The following SERHL2 variants were observed in gnomAD, a reference collection of about 807,000 sequenced individuals.
The protein encoded by SERHL2 is serine hydrolase like 2, also known as serine hydrolase-like protein 2.
A neutral mutation model predicts 25.5 loss-of-function variants in SERHL2; 29 were observed. The observed-to-expected ratio is 1.14, with a 90% CI of 0.85 to 1.55. The LOEUF is 1.55. SERHL2 is among the 40% of genes most tolerant of loss of function. The pLI, the probability that SERHL2 is intolerant of heterozygous loss-of-function variation, is 0.00. For missense variants in SERHL2, 240 were observed against 252.3 expected (o/e 0.95, Z 0.33); for synonymous variants, 95 against 103.5 (o/e 0.92, Z 0.50).
chr22:42,560,856 C>T lies in SERHL2; in HGVS notation c.613+591C>T, dbSNP rs1407165299. Among the ~76,000 whole-genome samples, 3 of 151,970 alleles carry T rather than the reference C, an allele frequency of 2.0e-5. No individual in the cohort carries two copies. In the East Asian group the frequency reaches 5.8e-4, roughly 29 times the overall value. The stretch of plus-strand genomic sequence containing the variant: ...GCTCCAGAGATCGTCCCACCTCAGC[C>T]TCCTGAGTAGCTGGGACTACAGGTG... On this transcript the variant is annotated intron_variant, in intron 8 of 11. Coordinates refer to ENST00000327678, the MANE Select transcript of SERHL2 (RefSeq NM_014509.5).
In SERHL2 at chr22:42,571,180, G is replaced by A; in HGVS notation, c.708G>A (p.Leu236=). Residue 236 remains leucine, a synonymous_variant, in exon 10 of 12, where the codon CTG becomes CTA. Coordinates refer to ENST00000327678, the MANE Select transcript of SERHL2 (RefSeq NM_014509.5). ...TGTGTGCGCATTCCATCAGGAAGCT[G>A]CAGGCCCATGTCCTGTTGATCAAGT... The part of the protein sequence containing the change: ...RELCAHSIRK[L]QAHVLLIKAV... 1 of 1,613,480 alleles carries A rather than the reference G, an allele frequency of 6.2e-7. No individual in the cohort carries two copies. Among genetic ancestry groups the A allele is most frequent in the Non-Finnish European group, 8.5e-7 (1 of 1,179,652 alleles).
Position 42,574,060 on chromosome 22 carries a change from G to A in SERHL2, c.*5G>A, listed in dbSNP as rs769375124. On this transcript the variant is annotated 3_prime_UTR_variant, in exon 12 of 12. Transcript: ENST00000327678. ...ATGCTCCCAGCCCAGCTGTAGCTCT[G>A]GGCCTGGAACTATGAAGACCTAGTG... is the stretch of plus-strand genomic sequence containing the variant. The A allele has an allele frequency of 1.2e-6, 2 of 1,612,332 alleles. No homozygotes were observed. The highest frequency in any genetic ancestry group is 1.7e-6 in the Non-Finnish European group (2 of 1,178,838).
chr22:42,568,514 C>A (rs1228541620), intron 9 of SERHL2, among the ~76,000 whole-genome samples: 2 of 151,934 alleles, frequency 1.3e-5, no homozygotes, highest in Admixed American at 6.6e-5. Context: ...CTTATGTGAC[C>A]TGTTCTGTAG....
chr22:42,571,011 T>G, intron 9 of SERHL2, 110 bp from the exon 10 acceptor site: 1 of 1,532,802 alleles, frequency 6.5e-7, no homozygotes, highest in African/African-American at 1.4e-5. Flanking sequence ...CCAGGGTGGG[T>G]GGCTAAGGTG....
intron 8 of SERHL2, among the ~76,000 whole-genome samples, chr22:42,561,991 T>C (rs1922739481): frequency 6.6e-6 from 1 of 151,650 alleles, no homozygotes; most frequent in African/African-American, 2.4e-5. Flanking sequence ...GAATGCAGGA[T>C]GCTGACCAGG....
In SERHL2 at chr22:42,574,169, A is replaced by G. The variant is rs1647653441; in HGVS notation, c.*114A>G. 2.2e-6 allele frequency: 2 copies of G among 922,088 alleles called. No individual in the cohort carries two copies. Among genetic ancestry groups the G allele is most frequent in the African/African-American group, 3.3e-5 (2 of 60,326 alleles). The allele number at this position is 922,088 out of a possible 1,614,324, so 57.1% of individuals were successfully genotyped here. On this transcript the variant is annotated 3_prime_UTR_variant, in exon 12 of 12. Coordinates refer to ENST00000327678, the MANE Select transcript of SERHL2 (RefSeq NM_014509.5). ...GTGGGGACAGGCCTCACTAGTCTTG[A>G]GGCCCAGCCTAGGATGGTAGTCAGG... is the stretch of plus-strand genomic sequence containing the variant.
chr22:42,559,447 A>G (rs960822479), intron 7 of SERHL2, among the ~76,000 whole-genome samples: 1 of 151,532 alleles, frequency 6.6e-6, no homozygotes, highest in African/African-American at 2.4e-5. Flanking sequence ...CATGCCTGTA[A>G]TCCCAGCACT....
At chr22:42,572,606 C>T in intron 11 of SERHL2, 77 bp downstream of exon 11, 2 of 1,563,916 alleles carry the variant, frequency 1.3e-6, no homozygotes, top group Non-Finnish European at 1.7e-6. Context: ...TCTTCTCATG[C>T]ACTGGGAAGA....
chr22:42,556,839 C>T (rs1347824016), intron 6 of SERHL2, among the ~76,000 whole-genome samples: 2 of 111,670 alleles, frequency 1.8e-5, no homozygotes, highest in Non-Finnish European at 3.5e-5. Context: ...TGCAGAATGC[C>T]AGGCTGATCA....
chr22:42,566,504 C>T (rs1303941244), intron 9 of SERHL2, among the ~76,000 whole-genome samples, 166 bp downstream of exon 9: 6 of 150,290 alleles, frequency 4.0e-5, no homozygotes, highest in Non-Finnish European at 7.4e-5. Context: ...TGCATTGAGC[C>T]GAGATAGCAC....
rs145204711 is a variant in SERHL2 at position 42,572,496 on chromosome 22, C to T, written c.792C>T (p.Phe264=). Residue 264 remains phenylalanine (F), a synonymous_variant, in exon 11 of 12, where the codon TTC becomes TTT. Transcript: ENST00000327678. ...QNYSEKESLS[F]MIDTMKSTLK... ...ACTCTGAGAAGGAGTCCCTGTCGTT[C>T]ATGATAGACACGATGAAATCCACCC... is the stretch of plus-strand genomic sequence containing the variant. The T allele has an allele frequency of 2.5e-6, 4 of 1,611,808 alleles. No individual in the cohort carries two copies. In the African/African-American group the frequency reaches 5.3e-5, roughly 22 times the overall value.
chr22:42,573,703 A>G, intron 11 of SERHL2: 1 of 563,688 alleles, frequency 1.8e-6, no homozygotes, highest in African/African-American at 1.9e-5. Context: ...CAACTTCACA[A>G]CTCAGCTGGC....
intron 1 of SERHL2, among the ~76,000 whole-genome samples, chr22:42,554,697 G>A (rs1407306530): frequency 1.3e-5 from 2 of 150,850 alleles, no homozygotes; most frequent in African/African-American, 2.5e-5. Context: ...CAGTTTAAAT[G>A]GGGTGCATGC....
intron 1 of SERHL2, 92 bp downstream of exon 1, chr22:42,554,134 A>G: frequency 6.8e-7 from 1 of 1,461,788 alleles, no homozygotes; most frequent in Non-Finnish European, 9.4e-7. Flanking sequence ...GGGTTCGCCG[A>G]CCGCGTCGCC....
chr22:42,554,340 T>TG lies in SERHL2; in HGVS notation c.22+303dup, dbSNP rs1433437447. Among the ~76,000 whole-genome samples, 755 of 151,954 alleles carry TG rather than the reference T, an allele frequency of 5.0e-3. 3 individuals carry two copies. Among genetic ancestry groups the TG allele is most frequent in the African/African-American group, 0.017 (702 of 41,424 alleles). On this transcript the variant is annotated intron_variant, in intron 1 of 11. Coordinates refer to ENST00000327678, the MANE Select transcript of SERHL2 (RefSeq NM_014509.5). ...CAGAGACGGAGGAGGCTGCCAGATG[T>TG]GGGGGCGGTGGGGGTTCCTGGAGTC...
At chr22:42,564,791 A>G (rs576667332) in intron 8 of SERHL2, among the ~76,000 whole-genome samples, 11 of 151,276 alleles carry the variant, frequency 7.3e-5, no homozygotes, top group Non-Finnish European at 1.6e-4. Context: ...GAGTTTTTCT[A>G]CTAGTCTTTT....
At position 42,573,975 on chromosome 22, in the gene SERHL2, C is replaced by T. The variant is rs759972017; in HGVS notation, c.865C>T (p.His289Tyr). 3.7e-6 allele frequency: 6 copies of T among 1,610,762 alleles called. No individual in the cohort carries two copies. The East Asian group carries it at 1.1e-4, about 30-fold the overall frequency. ...FVEVPGNHCV[H>Y]MSEPQHVASI... ...GGAAGTCCCAGGCAATCACTGTGTC[C>T]ACATGAGCGAACCCCAGCACGTGGC... is the stretch of plus-strand genomic sequence containing the variant. Residue 289 changes from histidine to tyrosine, a missense_variant, in exon 12 of 12, where the codon CAC (histidine) becomes TAC (tyrosine). Transcript: ENST00000327678.
intron 6 of SERHL2, among the ~76,000 whole-genome samples, chr22:42,556,862 C>T (rs1435902577): frequency 9.7e-6 from 1 of 102,782 alleles, no homozygotes; most frequent in Non-Finnish European, 1.8e-5. Flanking sequence ...CAGTGGCAGG[C>T]AGTGGAAGAG....
At position 42,573,950 on chromosome 22, in the gene SERHL2, G is replaced by A. The variant is rs1009124959; in HGVS notation, c.840G>A (p.Val280=). Reference sequence around the variant, plus strand: ...CCCCTCTCCAGCAGTTCCAGTTTGTGGAAGTCCCAGGCAATCACTGTGTCC... The same window carrying A: ...CCCCTCTCCAGCAGTTCCAGTTTGTAGAAGTCCCAGGCAATCACTGTGTCC... The part of the protein sequence containing the change: ...KSTLKEQFQF[V]EVPGNHCVHM... Residue 280 remains valine, a synonymous_variant, in exon 12 of 12, where the codon GTG becomes GTA. Coordinates refer to ENST00000327678, the MANE Select transcript of SERHL2 (RefSeq NM_014509.5). 5 of 1,347,756 alleles carry A rather than the reference G, an allele frequency of 3.7e-6. No individual in the cohort carries two copies. In the African/African-American group the frequency reaches 4.3e-5, roughly 12 times the overall value. 83.5% of individuals were successfully genotyped at this position (1,347,756 alleles called of 1,614,324 possible).
Sources: gnomAD v4.1 joint callset for allele counts (sites outside exome capture counted in the v4.1 genomes callset) on GRCh38, gnomAD v4.1.1 for gene constraint, MANE v1.5 for transcripts, NCBI Gene and HGNC (gene_info 2026-07-23, HGNC 2026-07-21) for gene names.